The following OSBPL1A variants were observed in gnomAD, a reference collection of about 807,000 sequenced individuals.
OSBPL1A encodes oxysterol binding protein like 1A, also known as oxysterol-binding protein-related protein 1.
Under a neutral mutation model 137.1 loss-of-function variants are expected in OSBPL1A, and 80 were observed. That is an observed-to-expected ratio of 0.58 (90% CI 0.49 to 0.70). OSBPL1A has a LOEUF of 0.70. OSBPL1A is among the 30% of genes least tolerant of loss of function. The probability of loss-of-function intolerance (pLI) is 0.00; values close to 1 mark genes in which losing one functional copy is unlikely to be tolerated. For missense variants in OSBPL1A, 970 were observed against 1,129.4 expected, an observed-to-expected ratio of 0.86 and a Z score of 2.02; for synonymous variants, 365 against 389.7, an observed-to-expected ratio of 0.94 and a Z score of 0.75.
At chr18:24,302,979 G>T (rs567642713) in intron 14 of OSBPL1A, among the ~76,000 whole-genome samples, 1 of 150,462 alleles carries the variant, frequency 6.6e-6, no homozygotes, top group South Asian at 2.1e-4. Flanking sequence ...GACATTCTTT[G>T]TGTGTGTGTG....
At chr18:24,390,410 AG>A (rs1325932873) in intron 1 of OSBPL1A, among the ~76,000 whole-genome samples, 1 of 152,234 alleles carries the variant, frequency 6.6e-6, no homozygotes, top group Non-Finnish European at 1.5e-5. Context: ...TTTAAAAGGA[AG>A]GATGGGCGTG....
chr18:24,216,382 C>G (rs560571977), intron 17 of OSBPL1A, among the ~76,000 whole-genome samples: 2 of 152,288 alleles, frequency 1.3e-5, no homozygotes, highest in African/African-American at 4.8e-5. Context: ...CAGCGTGTGC[C>G]TGCAGTCCCA....
intron 5 of OSBPL1A, among the ~76,000 whole-genome samples, chr18:24,334,593 T>C (rs1447774826): frequency 6.6e-6 from 1 of 152,204 alleles, no homozygotes; most frequent in Non-Finnish European, 1.5e-5. Context: ...TATGGATTAC[T>C]TTTATGTACC....
chr18:24,261,108 G>A (rs911990493), intron 15 of OSBPL1A, among the ~76,000 whole-genome samples: 13 of 152,234 alleles, frequency 8.5e-5, no homozygotes, highest in Admixed American at 5.2e-4. Context: ...CGACATGGAT[G>A]AACCTCAAAA....
intron 12 of OSBPL1A, 122 bp from the exon 13 acceptor site, chr18:24,312,228 G>T: frequency 3.5e-6 from 4 of 1,141,294 alleles, no homozygotes; most frequent in East Asian, 5.1e-5. Context: ...CCTCAAAAGG[G>T]AAAGCAAAGC....
intron 15 of OSBPL1A, among the ~76,000 whole-genome samples, chr18:24,240,731 G>A (rs755685227): frequency 7.2e-5 from 11 of 152,026 alleles, no homozygotes; most frequent in East Asian, 1.9e-4. Context: ...CTTTAGCAGC[G>A]GAACCTATTT....
chr18:24,294,913 TC>T (rs1468962613), intron 14 of OSBPL1A, among the ~76,000 whole-genome samples: 2 of 152,240 alleles, frequency 1.3e-5, no homozygotes, highest in East Asian at 3.8e-4. Flanking sequence ...TGACTTCTTT[TC>T]CTTTGGGTAG....
At chr18:24,172,901 T>C (rs1356584529) in intron 21 of OSBPL1A, among the ~76,000 whole-genome samples, 1 of 152,210 alleles carries the variant, frequency 6.6e-6, no homozygotes, top group Non-Finnish European at 1.5e-5. Context: ...TATAATCCTA[T>C]ATATCCAGAG....
chr18:24,237,472 T>C (rs1300167567), intron 16 of OSBPL1A, among the ~76,000 whole-genome samples: 2 of 152,070 alleles, frequency 1.3e-5, no homozygotes, highest in African/African-American at 2.4e-5. Context: ...GCCTGGCTAA[T>C]TTTTGTATTT....
At chr18:24,249,043 A>G (rs1187524637) in intron 15 of OSBPL1A, among the ~76,000 whole-genome samples, 1 of 152,360 alleles carries the variant, frequency 6.6e-6, no homozygotes, top group Non-Finnish European at 1.5e-5. Flanking sequence ...ATTTACTCCA[A>G]TGCTTTGTTA....
intron 4 of OSBPL1A, chr18:24,358,204 G>C: frequency 2.1e-6 from 1 of 485,632 alleles, no homozygotes; most frequent in South Asian, 3.9e-5. Context: ...CCTAAGAAGG[G>C]CATGGTATCC....
At chr18:24,240,428 C>T (rs1237264462) in intron 15 of OSBPL1A, among the ~76,000 whole-genome samples, 5 of 152,174 alleles carry the variant, frequency 3.3e-5, no homozygotes, top group Non-Finnish European at 7.4e-5. Context: ...TTCAAGTCAC[C>T]TAATCCTTAT....
At chr18:24,383,164 A>G (rs544117121) in intron 1 of OSBPL1A, among the ~76,000 whole-genome samples, 39 of 152,336 alleles carry the variant, frequency 2.6e-4, no homozygotes, top group African/African-American at 6.7e-4. Flanking sequence ...TATTAAAGAT[A>G]AAAACAAAAA....
At chr18:24,302,994 T>TGTGG (rs34735595) in intron 14 of OSBPL1A, among the ~76,000 whole-genome samples, 4 of 151,326 alleles carry the variant, frequency 2.6e-5, no homozygotes, top group African/African-American at 9.7e-5. Context: ...TGTGTGTGTG[T>TGTGG]GGGTGTGTCT....
chr18:24,325,519 CA>C (rs1344198957), intron 7 of OSBPL1A, among the ~76,000 whole-genome samples: 5 of 152,228 alleles, frequency 3.3e-5, no homozygotes, highest in Non-Finnish European at 7.4e-5. Context: ...GCTGTTTGCT[CA>C]AAGTTGCTTA....
intron 18 of OSBPL1A, among the ~76,000 whole-genome samples, chr18:24,190,214 G>A (rs2086852066): frequency 6.6e-6 from 1 of 151,994 alleles, no homozygotes; most frequent in Non-Finnish European, 1.5e-5. Flanking sequence ...CTCGGCATTT[G>A]TGGCTTTAAG....
chr18:24,178,417 G>C (rs182757029), intron 20 of OSBPL1A, among the ~76,000 whole-genome samples: 2 of 151,760 alleles, frequency 1.3e-5, no homozygotes, highest in Non-Finnish European at 2.9e-5. Context: ...TCAGCCTCTC[G>C]ACTAATTGGG....
intron 21 of OSBPL1A, among the ~76,000 whole-genome samples, chr18:24,175,099 CAT>C (rs2086389754): frequency 1.8e-5 from 1 of 57,102 alleles, no homozygotes; most frequent in African/African-American, 1.2e-4. Context: ...GCTTATTTGC[CAT>C]GTGTATGTAT....
chr18:24,321,308 G>A (rs956679330), intron 7 of OSBPL1A, among the ~76,000 whole-genome samples: 3 of 151,990 alleles, frequency 2.0e-5, no homozygotes, highest in African/African-American at 7.3e-5. Context: ...CTAATATACT[G>A]GACTACAGAT....
Sources: gnomAD v4.1 joint callset for allele counts (sites outside exome capture counted in the v4.1 genomes callset) on GRCh38, gnomAD v4.1.1 for gene constraint, MANE v1.5 for transcripts, NCBI Gene and HGNC (gene_info 2026-07-23, HGNC 2026-07-21) for gene names.